ZNF804A: variants seen among roughly 807,000 people sequenced by gnomAD.
ZNF804A encodes zinc finger protein 804A.
A neutral mutation model predicts 16.5 loss-of-function variants in ZNF804A; 2 were observed. That is an observed-to-expected ratio of 0.12 (90% CI 0.05 to 0.38). The LOEUF is 0.38. ZNF804A is among the 10% of genes least tolerant of loss of function. The pLI is 0.99. For missense variants in ZNF804A, 1,473 were observed against 1,390.7 expected (o/e 1.06, Z -0.94); for synonymous variants, 534 against 489.6 (o/e 1.09, Z -1.20).
At chr2:184,764,644 C>T (rs1038429380) in intron 1 of ZNF804A, among the ~76,000 whole-genome samples, 2 of 152,136 alleles carry the variant, frequency 1.3e-5, no homozygotes, top group East Asian at 1.9e-4. Flanking sequence ...ACAATTTATA[C>T]AGGCACATCT....
chr2:184,788,274 A>T (rs887055171), intron 1 of ZNF804A, among the ~76,000 whole-genome samples: 1 of 152,000 alleles, frequency 6.6e-6, no homozygotes, highest in Non-Finnish European at 1.5e-5. Flanking sequence ...AAACAATGTG[A>T]TACCTTCAAA....
chr2:184,879,322 C>T (rs1034957365), intron 2 of ZNF804A, among the ~76,000 whole-genome samples: 1 of 151,964 alleles, frequency 6.6e-6, no homozygotes, highest in African/African-American at 2.4e-5. Context: ...GTAAAATAGA[C>T]TTCTTTATTA....
intron 1 of ZNF804A, among the ~76,000 whole-genome samples, chr2:184,847,381 A>G (rs943371535): frequency 6.6e-6 from 1 of 151,968 alleles, no homozygotes; most frequent in Non-Finnish European, 1.5e-5. Flanking sequence ...CTCAATTGTT[A>G]TTTGTCCCTT....
At chr2:184,823,244 T>C (rs1277701426) in intron 1 of ZNF804A, among the ~76,000 whole-genome samples, 1 of 152,022 alleles carries the variant, frequency 6.6e-6, no homozygotes, top group African/African-American at 2.4e-5. Flanking sequence ...CCCACCTAGA[T>C]TGATCCAGTG....
intron 1 of ZNF804A, among the ~76,000 whole-genome samples, chr2:184,660,241 C>A (rs1396093118): frequency 1.3e-5 from 2 of 152,154 alleles, no homozygotes; most frequent in Non-Finnish European, 2.9e-5. Flanking sequence ...TAAATTCTTC[C>A]ATTTAAAAAA....
chr2:184,731,251 CAAAAAAA>C (rs563068533), intron 1 of ZNF804A, among the ~76,000 whole-genome samples: 39 of 45,304 alleles, frequency 8.6e-4, no homozygotes, highest in South Asian at 6.2e-3. Context: ...GGCTCCGTCG[CAAAAAAA>C]AAAAAAAAAA....
chr2:184,792,998 C>T (rs890331432), intron 1 of ZNF804A, among the ~76,000 whole-genome samples: 3 of 152,046 alleles, frequency 2.0e-5, no homozygotes, highest in Non-Finnish European at 4.4e-5. Context: ...TGTTGTTTAT[C>T]CCATGTATAA....
At chr2:184,841,920 A>G (rs1695441907) in intron 1 of ZNF804A, among the ~76,000 whole-genome samples, 1 of 152,138 alleles carries the variant, frequency 6.6e-6, no homozygotes, top group Non-Finnish European at 1.5e-5. Context: ...CCCCAGGCAA[A>G]TAATCCTTCC....
At chr2:184,795,977 C>T (rs111257455) in intron 1 of ZNF804A, among the ~76,000 whole-genome samples, 5,331 of 151,270 alleles carry the variant, frequency 0.035, 307 homozygotes, top group African/African-American at 0.12. Context: ...TTGAGATGAT[C>T]GTGTGATTTG....
intron 1 of ZNF804A, among the ~76,000 whole-genome samples, chr2:184,861,095 AGGTACT>A (rs1695793659): frequency 6.6e-6 from 1 of 152,216 alleles, no homozygotes; most frequent in African/African-American, 2.4e-5. Flanking sequence ...CTTAGTCCAC[AGGTACT>A]GTCCTGGAAT....
At chr2:184,736,659 A>G (rs987803117) in intron 1 of ZNF804A, among the ~76,000 whole-genome samples, 6 of 152,130 alleles carry the variant, frequency 3.9e-5, no homozygotes, top group African/African-American at 1.2e-4. Context: ...ACGTATACCT[A>G]TGTAAGAAAC....
At chr2:184,873,474 C>T (rs901117588) in intron 2 of ZNF804A, among the ~76,000 whole-genome samples, 1 of 152,044 alleles carries the variant, frequency 6.6e-6, no homozygotes, top group East Asian at 1.9e-4. Context: ...GGTGACAGAG[C>T]AAGAACCTGT....
intron 1 of ZNF804A, 76 bp from the exon 2 acceptor site, chr2:184,866,293 A>G (rs1050368013): frequency 1.7e-5 from 23 of 1,390,614 alleles, no homozygotes; most frequent in Non-Finnish European, 2.3e-5. Flanking sequence ...TTATTGTACT[A>G]TAGTTGACAA....
intron 1 of ZNF804A, among the ~76,000 whole-genome samples, chr2:184,736,614 G>T (rs1035243700): frequency 1.3e-5 from 2 of 151,962 alleles, no homozygotes; most frequent in African/African-American, 2.4e-5. Flanking sequence ...GAACCTAGAT[G>T]GTGGGTCAAT....
At chr2:184,900,465 A>T (rs1254698405) in intron 2 of ZNF804A, among the ~76,000 whole-genome samples, 10 of 152,104 alleles carry the variant, frequency 6.6e-5, no homozygotes, top group Non-Finnish European at 1.5e-4. Flanking sequence ...ACAACACTAC[A>T]TACCTGTTAT....
intron 2 of ZNF804A, among the ~76,000 whole-genome samples, chr2:184,888,024 A>G (rs1684923922): frequency 1.3e-5 from 2 of 152,152 alleles, no homozygotes; most frequent in Admixed American, 6.5e-5. Context: ...ATTGGGTACT[A>G]TGCTTATTAC....
At chr2:184,693,815 G>T in intron 1 of ZNF804A, among the ~76,000 whole-genome samples, 1 of 151,046 alleles carries the variant, frequency 6.6e-6, no homozygotes, top group African/African-American at 2.4e-5. Flanking sequence ...TGTCAGCTTG[G>T]CGTCAGTGAA....
chr2:184,667,790 G>A (rs948432991), intron 1 of ZNF804A, among the ~76,000 whole-genome samples: 2 of 151,760 alleles, frequency 1.3e-5, no homozygotes, highest in African/African-American at 4.8e-5. Flanking sequence ...GAGAATTCTT[G>A]TGAGAATTAA....
At chr2:184,784,388 T>A (rs1694418598) in intron 1 of ZNF804A, among the ~76,000 whole-genome samples, 1 of 152,034 alleles carries the variant, frequency 6.6e-6, no homozygotes, top group South Asian at 2.1e-4. Flanking sequence ...CATATTACTA[T>A]ATTAATAATG....
Sources: allele counts gnomAD v4.1 joint callset (sites outside exome capture counted in the v4.1 genomes callset), GRCh38; gene constraint gnomAD v4.1.1; transcripts MANE v1.5; gene names NCBI Gene and HGNC (gene_info 2026-07-23, HGNC 2026-07-21).